The following ANK3 variants were observed in gnomAD, a reference collection of about 807,000 sequenced individuals.
ANK3 encodes ankyrin-3.
In ANK3, 57 loss-of-function variants were observed where a neutral mutation model predicts 370.9. The ratio of observed to expected loss-of-function variants is 0.15; its 90% CI spans 0.12 to 0.19. ANK3 has a LOEUF of 0.19. Among genes scored for constraint, ANK3 ranks in the 10% least tolerant of loss-of-function variants. ANK3 has a pLI of 1.00. For missense variants in ANK3, 4,439 were observed against 5,302.1 expected (o/e 0.84, Z 5.06); for synonymous variants, 1,929 against 1,946.3 (o/e 0.99, Z 0.23).
At chr10:60,386,022 A>G (rs552179159) in intron 1 of ANK3, among the ~76,000 whole-genome samples, 9 of 152,164 alleles carry the variant, frequency 5.9e-5, no homozygotes, top group Non-Finnish European at 1.0e-4. Flanking sequence ...CCTGACCACA[A>G]AGAGAGCACG....
At chr10:60,536,353 T>C (rs1278562769) in intron 2 of ANK3, among the ~76,000 whole-genome samples, 1 of 152,056 alleles carries the variant, frequency 6.6e-6, no homozygotes, top group African/African-American at 2.4e-5. Context: ...TTTTAAAGCA[T>C]GCATGAAAAA....
At chr10:60,138,048 T>G (rs1157018372) in intron 24 of ANK3, among the ~76,000 whole-genome samples, 2 of 152,104 alleles carry the variant, frequency 1.3e-5, no homozygotes, top group African/African-American at 4.8e-5. Context: ...TATATGAGTT[T>G]CAAATTCCTA....
At chr10:60,038,093 C>A (rs2075426030) in intron 43 of ANK3, among the ~76,000 whole-genome samples, 1 of 152,204 alleles carries the variant, frequency 6.6e-6, no homozygotes, top group Non-Finnish European at 1.5e-5. Flanking sequence ...TGCCTGTCTT[C>A]TTTTGAAAAG....
At chr10:60,599,810 C>G (rs1437346069) in intron 2 of ANK3, among the ~76,000 whole-genome samples, 4 of 152,144 alleles carry the variant, frequency 2.6e-5, no homozygotes, top group African/African-American at 9.7e-5. Context: ...ATATAAAATT[C>G]AACTTTGTCT....
At chr10:60,342,633 C>T (rs182652398) in intron 1 of ANK3, among the ~76,000 whole-genome samples, 10 of 152,176 alleles carry the variant, frequency 6.6e-5, no homozygotes, top group Middle Eastern at 3.4e-3. Context: ...TTTCTTGGGT[C>T]GAAGTCAGGG....
intron 2 of ANK3, among the ~76,000 whole-genome samples, chr10:60,444,539 C>T (rs1231021895): frequency 6.6e-6 from 1 of 151,634 alleles, no homozygotes; most frequent in African/African-American, 2.4e-5. Flanking sequence ...AAATGTTTTC[C>T]ATTCACCCAC....
At chr10:60,631,355 C>T (rs761888845) in intron 1 of ANK3, among the ~76,000 whole-genome samples, 44 of 151,894 alleles carry the variant, frequency 2.9e-4, no homozygotes, top group Non-Finnish European at 2.9e-4. Flanking sequence ...AGTAAAACCC[C>T]ATCTCTACTA....
chr10:60,335,773 A>T (rs2052680143), intron 1 of ANK3, among the ~76,000 whole-genome samples: 1 of 152,116 alleles, frequency 6.6e-6, no homozygotes, highest in South Asian at 2.1e-4. Context: ...TGATTTGTAA[A>T]TTTTTAATTC....
intron 1 of ANK3, among the ~76,000 whole-genome samples, chr10:60,324,290 A>G (rs2049305300): frequency 1.3e-5 from 2 of 152,204 alleles, no homozygotes; most frequent in African/African-American, 4.8e-5. Flanking sequence ...GAAGGTGAAT[A>G]TGTGTGGCAG....
rs962568775 is a variant in ANK3, at chr10:60,615,185, C to T, written c.96+1G>A. 1 of 1,507,162 alleles carries T rather than the reference C, an allele frequency of 6.6e-7. No homozygotes were observed. The highest frequency in any genetic ancestry group is 1.3e-5 in the South Asian group (1 of 78,030). 93.4% of individuals were successfully genotyped at this position (1,507,162 alleles called of 1,614,324 possible). ...TTGAGTTTAGTGATAATTTTCATTA[C>T]CTTTCTAGAGCTTCGTGAATAATCT... On this transcript the variant is annotated splice_donor_variant, in intron 2 of 43. Transcript: ENST00000373827. LOFTEE classifies it high-confidence loss of function.
intron 1 of ANK3, among the ~76,000 whole-genome samples, chr10:60,700,104 T>C (rs1024277860): frequency 6.6e-6 from 1 of 152,154 alleles, no homozygotes; most frequent in Non-Finnish European, 1.5e-5. Flanking sequence ...TGGGGACTTT[T>C]TGATTGTTTT....
chr10:60,395,329 TATTAA>T (rs1224272784), intron 2 of ANK3, among the ~76,000 whole-genome samples: 5 of 152,362 alleles, frequency 3.3e-5, no homozygotes, highest in Admixed American at 6.5e-5. Flanking sequence ...TAAAACATAT[TATTAA>T]ATTAATTTCA....
chr10:60,134,135 C>T, intron 25 of ANK3, 136 bp downstream of exon 25: 1 of 662,578 alleles, frequency 1.5e-6, no homozygotes, highest in Non-Finnish European at 2.5e-6. Context: ...TTTTTTTTAA[C>T]TGGCTAGTAC....
chr10:60,299,222 C>A (rs529370353), intron 1 of ANK3, among the ~76,000 whole-genome samples: 1 of 152,190 alleles, frequency 6.6e-6, no homozygotes, highest in African/African-American at 2.4e-5. Context: ...TTGCCACATT[C>A]CATAAAGGTC....
At chr10:60,581,759 G>C (rs1161870973) in intron 2 of ANK3, among the ~76,000 whole-genome samples, 1 of 151,872 alleles carries the variant, frequency 6.6e-6, no homozygotes, top group Non-Finnish European at 1.5e-5. Context: ...TTTTTAATCA[G>C]GTTATTTGCT....
chr10:60,718,674 G>T (rs2079822377), intron 1 of ANK3, among the ~76,000 whole-genome samples: 1 of 152,098 alleles, frequency 6.6e-6, no homozygotes, highest in Non-Finnish European at 1.5e-5. Context: ...CTTAACTAGG[G>T]ATGAGAAGTA....
chr10:60,658,347 A>T (rs2078893754), intron 1 of ANK3, among the ~76,000 whole-genome samples: 1 of 150,728 alleles, frequency 6.6e-6, no homozygotes, highest in Non-Finnish European at 1.5e-5. Context: ...GTATCTCTTC[A>T]TTTTTTTTAG....
At chr10:60,123,592 C>T (rs1355966805) in intron 25 of ANK3, among the ~76,000 whole-genome samples, 2 of 152,228 alleles carry the variant, frequency 1.3e-5, no homozygotes, top group African/African-American at 4.8e-5. Flanking sequence ...TGTTAGATGA[C>T]ATGAGTTAAG....
At chr10:60,062,994 A>G in intron 40 of ANK3, 117 bp downstream of exon 40, 3 of 1,071,856 alleles carry the variant, frequency 2.8e-6, no homozygotes, top group Non-Finnish European at 2.6e-6. Flanking sequence ...GGCAGAGAAA[A>G]TGAGAAACTA....
Sources: gnomAD v4.1 joint callset for allele counts (sites outside exome capture counted in the v4.1 genomes callset) on GRCh38, gnomAD v4.1.1 for gene constraint, MANE v1.5 for transcripts, NCBI Gene and HGNC (gene_info 2026-07-23, HGNC 2026-07-21) for gene names.